Variants in KCNK10 observed in about 807,000 individuals in gnomAD.
KCNK10 encodes the protein potassium two pore domain channel subfamily K member 10, also known as potassium channel subfamily K member 10.
In KCNK10, 25 loss-of-function variants were observed where a neutral mutation model predicts 47.7. The observed-to-expected ratio is 0.52, with a 90% CI of 0.38 to 0.73. The LOEUF (loss-of-function observed/expected upper bound fraction) is 0.73, where lower values mean the gene tolerates loss of function less well. KCNK10 is among the 30% of genes least tolerant of loss of function. The probability of loss-of-function intolerance (pLI) is 0.00; values close to 1 mark genes in which losing one functional copy is unlikely to be tolerated. For missense variants in KCNK10, 563 were observed against 714.5 expected (o/e 0.79, Z 2.42); for synonymous variants, 303 against 285.6 (o/e 1.06, Z -0.61).
intron 2 of KCNK10, among the ~76,000 whole-genome samples, chr14:88,241,129 C>T (rs1406732080): frequency 6.6e-6 from 1 of 152,206 alleles, no homozygotes; most frequent in Admixed American, 6.5e-5. Flanking sequence ...TGTGCATATA[C>T]ACACACAAAA....
At position 88,215,734 on chromosome 14, in the gene KCNK10, G is replaced by A. The variant is rs190024056; in HGVS notation, c.681+11641C>T. On this transcript the variant is annotated intron_variant, in intron 4 of 6. Transcript: ENST00000319231. ...AAGTTACCTGTGATCAAAGCTTGCC[G>A]GGGGGAAAAGAGAGAGAGAGAGACA... Among the ~76,000 whole-genome samples, 660 of 152,004 alleles carry A rather than the reference G, an allele frequency of 4.3e-3. 5 individuals carry two copies. Among genetic ancestry groups the A allele is most frequent in the Non-Finnish European group, 4.7e-3 (322 of 67,906 alleles).
chr14:88,313,562 G>A (rs1298592804), intron 1 of KCNK10, among the ~76,000 whole-genome samples: 2 of 152,146 alleles, frequency 1.3e-5, no homozygotes, highest in African/African-American at 2.4e-5. Flanking sequence ...CACATTGGCA[G>A]GAAATGAGCC....
chr14:88,243,489 T>C (rs947295395), intron 2 of KCNK10, among the ~76,000 whole-genome samples: 1 of 152,108 alleles, frequency 6.6e-6, no homozygotes, highest in African/African-American at 2.4e-5. Flanking sequence ...CCTACTCCCA[T>C]CTTCACCTCC....
chr14:88,310,656 G>A (rs2139799711), intron 1 of KCNK10, among the ~76,000 whole-genome samples: 1 of 152,316 alleles, frequency 6.6e-6, no homozygotes. Flanking sequence ...GCCAGAGAAA[G>A]GGATCGGCAC....
intron 3 of KCNK10, among the ~76,000 whole-genome samples, chr14:88,236,406 A>C (rs1387899462): frequency 6.6e-6 from 1 of 152,228 alleles, no homozygotes; most frequent in African/African-American, 2.4e-5. Context: ...TACAACTGTG[A>C]ACAATGCAAG....
rs778746619 is a variant in KCNK10 at position 88,186,046 on chromosome 14, G to A, written c.1121C>T (p.Ala374Val). The change falls in exon 7 of 7, where the codon GCG (alanine) becomes GTG (valine). Residue 374 changes from alanine (A) to valine (V), a missense_variant. Coordinates refer to ENST00000319231, the MANE Select transcript of KCNK10 (RefSeq NM_138317.3). This position sits in a 1 kb window ranked among gnomAD's most constrained non-coding sequence, Gnocchi z 5.5. ...SVEIHDKLQR[A>V]ATIRSMERRR... ...GCGCTCCATGCTGCGGATGGTGGCCGCCCGCTGCAGCTTATCGTGGATCTC... is the reference window on the plus strand; with the variant it reads ...GCGCTCCATGCTGCGGATGGTGGCCACCCGCTGCAGCTTATCGTGGATCTC... 8 of 1,612,974 alleles carry A rather than the reference G, an allele frequency of 5.0e-6. No individual in the cohort carries two copies. The highest frequency in any genetic ancestry group is 3.3e-5 in the Admixed American group (2 of 59,984).
rs1245814514 is a variant in KCNK10 at position 88,185,644 on chromosome 14, A to G, written c.1523T>C (p.Met508Thr). ...MCNSDNSSTAMLTDCIQQHAE... is the reference protein window; with the variant it reads ...MCNSDNSSTATLTDCIQQHAE... The stretch of plus-strand genomic sequence containing the variant: ...GTGCTGCTGGATACAGTCCGTCAGC[A>G]TGGCTGTGCTGGAGTTGTCTGAGTT... Residue 508 changes from methionine (M) to threonine (T), a missense_variant, in exon 7 of 7, where the codon ATG (methionine) becomes ACG (threonine). By Grantham distance (81) the Met-to-Thr change is moderately conservative. Coordinates refer to ENST00000319231, the MANE Select transcript of KCNK10 (RefSeq NM_138317.3). This position sits in a 1 kb window ranked among gnomAD's most constrained non-coding sequence, Gnocchi z 4.3. 7 of 1,614,100 alleles carry G rather than the reference A, an allele frequency of 4.3e-6. No homozygotes were observed. Among genetic ancestry groups the G allele is most frequent in the Admixed American group, 1.7e-5 (1 of 60,016 alleles).
Position 88,184,994 on chromosome 14 carries a change from C to T in KCNK10, c.*541G>A, listed in dbSNP as rs907946149. 1.3e-5 allele frequency: 2 copies of T among 154,170 alleles called. No individual in the cohort carries two copies. The highest frequency in any genetic ancestry group is 4.8e-5 in the African/African-American group (2 of 41,432). 9.6% of individuals were successfully genotyped at this position (154,170 alleles called of 1,614,324 possible). On this transcript the variant is annotated 3_prime_UTR_variant, in exon 7 of 7. Transcript: ENST00000319231. Reference sequence around the variant, plus strand: ...CCAGGTGCTCTCAGGTCCCCACAGACATTCATTTGGAGCATAGAAAGACTA... The same window carrying T: ...CCAGGTGCTCTCAGGTCCCCACAGATATTCATTTGGAGCATAGAAAGACTA...
chr14:88,315,721 T>A (rs756820720), intron 1 of KCNK10, among the ~76,000 whole-genome samples: 2 of 152,146 alleles, frequency 1.3e-5, no homozygotes, highest in Non-Finnish European at 2.9e-5. Context: ...AGGCTCTCCA[T>A]CACCCGACCA....
intron 2 of KCNK10, among the ~76,000 whole-genome samples, chr14:88,252,157 C>T (rs779988491): frequency 1.4e-4 from 21 of 152,006 alleles, no homozygotes; most frequent in Admixed American, 3.3e-4. Flanking sequence ...TCAAGTGATC[C>T]GCCTGCCTCA....
chr14:88,290,034 T>G (rs368592593), intron 1 of KCNK10, among the ~76,000 whole-genome samples: 1 of 152,216 alleles, frequency 6.6e-6, no homozygotes, highest in Non-Finnish European at 1.5e-5. Context: ...ATCAGCAGGA[T>G]AATGTTCGGT....
chr14:88,321,758 A>T (rs1416161222), intron 1 of KCNK10, among the ~76,000 whole-genome samples: 1 of 152,240 alleles, frequency 6.6e-6, no homozygotes, highest in Admixed American at 6.5e-5. Context: ...AAATGCGCTC[A>T]TAAAGAACAT....
intron 6 of KCNK10, 114 bp downstream of exon 6, chr14:88,187,853 T>A: frequency 2.2e-4 from 176 of 797,432 alleles, no homozygotes; most frequent in Middle Eastern, 3.6e-4. Flanking sequence ...CGCCCCCCGC[T>A]CCCCCTGCAA....
chr14:88,183,105 T>C lies in KCNK10; in HGVS notation c.*2430A>G, dbSNP rs1296429054. ...GCATGACACAGACACTGTAGTGAAG[T>C]TGAAAGCAGACTTTGGTCAGACTTT... On this transcript the variant is annotated 3_prime_UTR_variant, in exon 7 of 7. Coordinates refer to ENST00000319231, the MANE Select transcript of KCNK10 (RefSeq NM_138317.3). 1 of 152,326 alleles carries C rather than the reference T, an allele frequency of 6.6e-6. No individual in the cohort carries two copies. The highest frequency in any genetic ancestry group is 1.5e-5 in the Non-Finnish European group (1 of 68,042). The allele number at this position is 152,326 out of a possible 1,614,324, so 9.4% of individuals were successfully genotyped here.
At chr14:88,221,037 C>T (rs1885791902) in intron 4 of KCNK10, among the ~76,000 whole-genome samples, 1 of 152,036 alleles carries the variant, frequency 6.6e-6, no homozygotes, top group Non-Finnish European at 1.5e-5. Context: ...CACAGTGGCT[C>T]ATGCCTGTAA....
intron 4 of KCNK10, among the ~76,000 whole-genome samples, chr14:88,221,754 G>T (rs2139865358): frequency 1.3e-5 from 2 of 152,290 alleles, no homozygotes; most frequent in East Asian, 3.9e-4. Flanking sequence ...GTGCACAGAG[G>T]TTTATATCAG....
At chr14:88,225,170 C>T (rs1376027956) in intron 4 of KCNK10, among the ~76,000 whole-genome samples, 1 of 152,160 alleles carries the variant, frequency 6.6e-6, no homozygotes, top group Non-Finnish European at 1.5e-5. Flanking sequence ...GATTTTCTAC[C>T]AAAACTTTAC....
chr14:88,214,460 C>T (rs903463229), intron 4 of KCNK10, among the ~76,000 whole-genome samples: 3 of 152,180 alleles, frequency 2.0e-5, no homozygotes, highest in South Asian at 2.1e-4. Context: ...CAACTGCTCT[C>T]GCAGAGGTGG....
intron 1 of KCNK10, among the ~76,000 whole-genome samples, chr14:88,306,171 A>T (rs1455522443): frequency 2.6e-5 from 4 of 152,228 alleles, no homozygotes; most frequent in African/African-American, 9.6e-5. Flanking sequence ...ATAAACCCAG[A>T]GCAGGAATGG....
Sources: allele counts gnomAD v4.1 joint callset (sites outside exome capture counted in the v4.1 genomes callset), GRCh38; gene constraint gnomAD v4.1.1; non-coding constraint Gnocchi (gnomAD v3.1); transcripts MANE v1.5; gene names NCBI Gene and HGNC (gene_info 2026-07-23, HGNC 2026-07-21).